RAC2: variants seen among roughly 807,000 people sequenced by gnomAD.
RAC2 encodes ras-related C3 botulinum toxin substrate 2.
In RAC2, 1 loss-of-function variant was observed where a neutral mutation model predicts 24.0. The ratio of observed to expected loss-of-function variants is 0.04; its 90% confidence interval spans 0.01 to 0.20. The LOEUF is 0.20. Among genes scored for constraint, RAC2 ranks in the 10% least tolerant of loss-of-function variants. The pLI is 1.00. For synonymous variants in RAC2, 114 were observed against 106.8 expected, an observed-to-expected ratio of 1.07 and a Z score of -0.41; for missense variants, 130 against 259.1, an observed-to-expected ratio of 0.50 and a Z score of 3.42.
At position 37,226,750 on chromosome 22, in the gene RAC2, C is replaced by T; in HGVS notation, c.502G>A (p.Val168Met). The change falls in exon 6 of 7, where the codon GTG becomes ATG. Residue 168 changes from valine to methionine, a missense_variant. Physicochemically the swap from Val to Met is conservative, Grantham distance 21. Coordinates refer to ENST00000249071, the MANE Select transcript of RAC2 (RefSeq NM_002872.5). Reference sequence around the variant, plus strand: ...ACGGCCCGGATGGCCTCGTCGAACACGGTTTTCAGGCCTCTCTGGGTGAGA... The same window carrying T: ...ACGGCCCGGATGGCCTCGTCGAACATGGTTTTCAGGCCTCTCTGGGTGAGA... ...SALTQRGLKTVFDEAIRAVLC... is the reference protein window; with the variant it reads ...SALTQRGLKTMFDEAIRAVLC... 2.5e-6 allele frequency: 4 copies of T among 1,613,120 alleles called. No individual in the cohort carries two copies. Among genetic ancestry groups the T allele is most frequent in the Non-Finnish European group, 3.4e-6 (4 of 1,179,586 alleles).
rs1927390181 is a variant in RAC2, at chr22:37,241,510, A to T, written c.107+77T>A. 7.0e-6 allele frequency: 10 copies of T among 1,435,764 alleles called. No homozygotes were observed. In the South Asian group the frequency reaches 1.0e-4, roughly 15 times the overall value. 88.9% of individuals were successfully genotyped at this position (1,435,764 alleles called of 1,614,324 possible). ...GCCCACACAGGGTCTGGCCCACAGG[A>T]AGTGCCTGAAAGGGGGGTCGACTTG... On this transcript the variant is annotated intron_variant, in intron 2 of 6. Coordinates refer to ENST00000249071, the MANE Select transcript of RAC2 (RefSeq NM_002872.5).
intron 3 of RAC2, 56 bp from the exon 4 acceptor site, chr22:37,232,050 T>C (rs1024350012): frequency 8.4e-5 from 127 of 1,513,648 alleles, no homozygotes; most frequent in Non-Finnish European, 8.1e-5. Context: ...TGTCCCACCA[T>C]GGCAGCCACC....
chr22:37,232,563 C>T, intron 3 of RAC2: 2 of 561,746 alleles, frequency 3.6e-6, no homozygotes, highest in Non-Finnish European at 6.4e-6. Flanking sequence ...GTGCCAGAGC[C>T]CAGGAGGCAA....
chr22:37,242,248 C>T (rs935224353), intron 1 of RAC2, among the ~76,000 whole-genome samples: 1 of 152,200 alleles, frequency 6.6e-6, no homozygotes, highest in Admixed American at 6.5e-5. Context: ...TCACCTCCCC[C>T]GTGGAGCAGA....
At chr22:37,233,423 C>A (rs1211118819) in intron 2 of RAC2, among the ~76,000 whole-genome samples, 2 of 152,210 alleles carry the variant, frequency 1.3e-5, no homozygotes, top group African/African-American at 4.8e-5. Flanking sequence ...GCTGGGATTA[C>A]AGGCATGCAC....
intron 2 of RAC2, among the ~76,000 whole-genome samples, chr22:37,236,114 A>G (rs1478225588): frequency 1.3e-5 from 2 of 152,184 alleles, no homozygotes; most frequent in African/African-American, 4.8e-5. Context: ...AACTTCTCTG[A>G]GCCTCAATCT....
chr22:37,238,873 T>G (rs1409561344), intron 2 of RAC2, among the ~76,000 whole-genome samples: 1 of 152,190 alleles, frequency 6.6e-6, no homozygotes, highest in East Asian at 1.9e-4. Context: ...GTTCCGAAGG[T>G]TCAGGTCCAT....
chr22:37,243,034 C>T (rs1034560620), intron 1 of RAC2, among the ~76,000 whole-genome samples: 2 of 152,214 alleles, frequency 1.3e-5, no homozygotes, highest in African/African-American at 4.8e-5. Context: ...GCGTCTTGCT[C>T]TGTCACCCAG....
Position 37,231,692 on chromosome 22 carries a change from GGGA to G in RAC2, c.288+237_288+239del, listed in dbSNP as rs1927067162. ...TCGGAGGCGGACATGAGGTTGTGTG[GGGA>G]GGAGGAGAATGCAGCCATGGAAAGT... On this transcript the variant is annotated intron_variant, in intron 4 of 6. Transcript: ENST00000249071. This position sits in a 1 kb window ranked among gnomAD's most constrained non-coding sequence, Gnocchi z 5.5. Among the ~76,000 whole-genome samples the G allele has an allele frequency of 6.6e-6, 1 of 152,012 alleles. No homozygotes were observed. The highest frequency in any genetic ancestry group is 2.4e-5 in the African/African-American group (1 of 41,362).
At chr22:37,243,281 T>C (rs376517131) in intron 1 of RAC2, among the ~76,000 whole-genome samples, 1 of 152,282 alleles carries the variant, frequency 6.6e-6, no homozygotes, top group Non-Finnish European at 1.5e-5. Flanking sequence ...ACTACAGGCA[T>C]GAGCCACTGC....
At chr22:37,237,958 G>T (rs1185046394) in intron 2 of RAC2, among the ~76,000 whole-genome samples, 1 of 151,792 alleles carries the variant, frequency 6.6e-6, no homozygotes, top group Non-Finnish European at 1.5e-5. Context: ...CTGTAGACAG[G>T]GGGTCAAGGA....
At chr22:37,227,585 C>A (rs1430096510) in intron 5 of RAC2, among the ~76,000 whole-genome samples, 2 of 144,704 alleles carry the variant, frequency 1.4e-5, no homozygotes, top group African/African-American at 5.1e-5. Flanking sequence ...GCCATATACC[C>A]CTCCCACGCC....
Position 37,231,454 on chromosome 22 carries a change from G to T in RAC2, c.289-64C>A, listed in dbSNP as rs1214044937. 3 of 1,500,214 alleles carry T rather than the reference G, an allele frequency of 2.0e-6. No homozygotes were observed. The highest frequency in any genetic ancestry group is 2.8e-5 in the African/African-American group (2 of 72,696). 92.9% of individuals were successfully genotyped at this position (1,500,214 alleles called of 1,614,324 possible). A position where few individuals can be genotyped will look rare whatever the true frequency, so the allele number is the denominator to read the frequency against. On this transcript the variant is annotated intron_variant, in intron 4 of 6. Transcript: ENST00000249071. The surrounding 1 kb of genome is among the most constrained non-coding windows in gnomAD (Gnocchi z 5.5). ...CAAGAGGGGGCGCGAGGCTGTGCGG[G>T]GATCAGAGGGAGTGTGAGGGTGTAG...
At chr22:37,240,794 G>T in intron 2 of RAC2, 1 of 544,120 alleles carries the variant, frequency 1.8e-6, no homozygotes, top group South Asian at 2.3e-5. Context: ...GCGCCTGGAG[G>T]CTTTAGACAG....
Position 37,231,017 on chromosome 22 carries a change from A to G in RAC2, c.448+214T>C, listed in dbSNP as rs2145823194. Among the ~76,000 whole-genome samples, 1 of 152,310 alleles carries G rather than the reference A, an allele frequency of 6.6e-6. No individual in the cohort carries two copies. The highest frequency in any genetic ancestry group is 2.4e-5 in the African/African-American group (1 of 41,572). ...ACTGAATTCCCCCAACCACCCCAGGAGGCAGGAGCTATCACTATCCCATGC... is the reference window on the plus strand; with the variant it reads ...ACTGAATTCCCCCAACCACCCCAGGGGGCAGGAGCTATCACTATCCCATGC... On this transcript the variant is annotated intron_variant, in intron 5 of 6. Transcript: ENST00000249071. The surrounding 1 kb of genome is among the most constrained non-coding windows in gnomAD (Gnocchi z 5.5).
chr22:37,239,679 G>A (rs1927331673), intron 2 of RAC2, among the ~76,000 whole-genome samples: 1 of 152,168 alleles, frequency 6.6e-6, no homozygotes, highest in South Asian at 2.1e-4. Flanking sequence ...GAGAGGGGAA[G>A]TGATTGGTCC....
At chr22:37,230,255 G>T (rs967652330) in intron 5 of RAC2, among the ~76,000 whole-genome samples, 1 of 151,080 alleles carries the variant, frequency 6.6e-6, no homozygotes, top group Non-Finnish European at 1.5e-5. Flanking sequence ...TCCCAGTTCC[G>T]GCAGGGGGAG....
intron 2 of RAC2, among the ~76,000 whole-genome samples, chr22:37,234,568 A>G (rs1927168344): frequency 6.6e-6 from 1 of 151,990 alleles, no homozygotes; most frequent in African/African-American, 2.4e-5. Context: ...ACAGGCCCTG[A>G]CCTGGTCCAC....
intron 2 of RAC2, 120 bp downstream of exon 2, chr22:37,241,467 G>A: frequency 1.8e-6 from 2 of 1,090,116 alleles, no homozygotes; most frequent in African/African-American, 3.1e-5. Flanking sequence ...CAGCTCCACT[G>A]GGCTGGAGGC....
Sources: gnomAD v4.1 joint callset for allele counts (sites outside exome capture counted in the v4.1 genomes callset) on GRCh38, gnomAD v4.1.1 for gene constraint, Gnocchi (gnomAD v3.1) non-coding constraint, MANE v1.5 for transcripts, NCBI Gene and HGNC (gene_info 2026-07-23, HGNC 2026-07-21) for gene names.